AHI1: variants seen among roughly 807,000 people sequenced by gnomAD.
AHI1 encodes Abelson helper integration site 1, also known as jouberin.
In AHI1, 123 loss-of-function variants were observed where a neutral mutation model predicts 149.3. That is an observed-to-expected ratio of 0.82 (90% CI 0.71 to 0.96). The LOEUF (loss-of-function observed/expected upper bound fraction) is 0.96. Among genes scored for constraint, AHI1 ranks in the 40% least tolerant of loss-of-function variants. The pLI, the probability that AHI1 is intolerant of heterozygous loss-of-function variation, is 0.00. For synonymous variants in AHI1, 475 were observed against 459.8 expected, an observed-to-expected ratio of 1.03 and a Z score of -0.42; for missense variants, 1,439 against 1,422.7, an observed-to-expected ratio of 1.01 and a Z score of -0.18.
At chr6:135,380,731 A>AC (rs752362853) in intron 23 of AHI1, among the ~76,000 whole-genome samples, 3,262 of 55,866 alleles carry the variant, frequency 0.058, 180 homozygotes, top group Non-Finnish European at 0.085. Context: ...AAGTAAAATA[A>AC]CCCCCCCCCC....
At chr6:135,364,827 G>T (rs1051874269) in intron 23 of AHI1, among the ~76,000 whole-genome samples, 1 of 152,230 alleles carries the variant, frequency 6.6e-6, no homozygotes, top group Admixed American at 6.5e-5. Context: ...GTTGCAGTAG[G>T]CCGAGATGGC....
rs984975595 is a variant in AHI1, at chr6:135,438,612, C to T, written c.1913-114G>A. 11 of 811,992 alleles carry T rather than the reference C, an allele frequency of 1.4e-5. No individual in the cohort carries two copies. The Admixed American group carries it at 2.5e-4, about 18-fold the overall frequency. The allele number at this position is 811,992 out of a possible 1,614,324, so 50.3% of individuals were successfully genotyped here. Reference sequence around the variant, plus strand: ...TAAGCAGTCTATAACAAAATTATAACCAAAGACATTTGCAGCACAGAGAAA... The same window carrying T: ...TAAGCAGTCTATAACAAAATTATAATCAAAGACATTTGCAGCACAGAGAAA... On this transcript the variant is annotated intron_variant, in intron 14 of 28. Coordinates refer to ENST00000265602, the MANE Select transcript of AHI1 (RefSeq NM_001134831.2).
At chr6:135,456,415 A>G (rs932676794) in intron 9 of AHI1, among the ~76,000 whole-genome samples, 2 of 152,002 alleles carry the variant, frequency 1.3e-5, no homozygotes, top group Admixed American at 6.6e-5. Flanking sequence ...ATGGTGGCAC[A>G]TGTCTGCAGT....
intron 13 of AHI1, among the ~76,000 whole-genome samples, chr6:135,445,666 G>A (rs1787063070): frequency 6.6e-6 from 1 of 152,084 alleles, no homozygotes; most frequent in Admixed American, 6.5e-5. Flanking sequence ...TTGAATTCCT[G>A]GGTTCAATCA....
At chr6:135,451,005 C>T (rs909008382) in intron 11 of AHI1, among the ~76,000 whole-genome samples, 53 of 150,550 alleles carry the variant, frequency 3.5e-4, no homozygotes, top group Non-Finnish European at 2.1e-4. Flanking sequence ...TGCCACTTCC[C>T]TTTTTTTTTG....
At chr6:135,358,045 A>C (rs1232136645) in intron 24 of AHI1, 87 bp downstream of exon 24, 2 of 1,218,516 alleles carry the variant, frequency 1.6e-6, no homozygotes, top group Non-Finnish European at 2.3e-6. Context: ...AGGTTTTAAG[A>C]GTTTTCTACA....
At chr6:135,320,187 G>T (rs1012309383) in intron 25 of AHI1, among the ~76,000 whole-genome samples, 1 of 152,098 alleles carries the variant, frequency 6.6e-6, no homozygotes, top group African/African-American at 2.4e-5. Context: ...AATGAAGTGT[G>T]AGAGTTCAAT....
At chr6:135,492,730 C>A in intron 3 of AHI1, 1 of 985,244 alleles carries the variant, frequency 1.0e-6, no homozygotes, top group Non-Finnish European at 1.2e-6. Context: ...ATTTAAATAC[C>A]TCTGTGTCTG....
In AHI1 at chr6:135,428,722, G is replaced by C. The variant is rs773787232; in HGVS notation, c.2530C>G (p.Arg844Gly). 14 of 1,605,912 alleles carry C rather than the reference G, an allele frequency of 8.7e-6. No individual in the cohort carries two copies. Among genetic ancestry groups the C allele is most frequent in the Non-Finnish European group, 1.2e-5 (14 of 1,175,482 alleles). The change falls in exon 19 of 29, where the codon CGG becomes GGG. Residue 844 changes from arginine (R) to glycine (G), a missense_variant. Coordinates refer to ENST00000265602, the MANE Select transcript of AHI1 (RefSeq NM_001134831.2). Reference sequence around the variant, plus strand: ...GTCAAAGTACTATGAATCTTCTCCCGATAATTTGCTGCTCCTACAAACTTC... The same window carrying C: ...GTCAAAGTACTATGAATCTTCTCCCCATAATTTGCTGCTCCTACAAACTTC... Reference protein sequence around the residue: ...ARKFVGAANYREKIHSTLTPC... With the variant: ...ARKFVGAANYGEKIHSTLTPC...
chr6:135,490,882 T>C, intron 4 of AHI1, 135 bp from the exon 5 acceptor site: 4 of 1,082,286 alleles, frequency 3.7e-6, no homozygotes, highest in Non-Finnish European at 5.2e-6. Context: ...AACTCACCTA[T>C]CTTTCCTTCT....
intron 23 of AHI1, among the ~76,000 whole-genome samples, chr6:135,363,087 T>A (rs1794172319): frequency 6.6e-6 from 1 of 151,398 alleles, no homozygotes; most frequent in African/African-American, 2.4e-5. Context: ...TCTTGGGTGT[T>A]TCTCGCAGAG....
At chr6:135,365,773 C>T (rs994859634) in intron 23 of AHI1, among the ~76,000 whole-genome samples, 6 of 152,156 alleles carry the variant, frequency 3.9e-5, no homozygotes, top group African/African-American at 1.4e-4. Context: ...GACAGTTTGA[C>T]TTCTTTACTG....
At chr6:135,441,319 G>C (rs1330538250) in intron 14 of AHI1, among the ~76,000 whole-genome samples, 2 of 152,002 alleles carry the variant, frequency 1.3e-5, no homozygotes, top group Non-Finnish European at 2.9e-5. Flanking sequence ...AAATAGAAAA[G>C]TTTCAGAGAC....
chr6:135,330,893 AGTG>A (rs1788486056), intron 24 of AHI1, among the ~76,000 whole-genome samples: 1 of 152,202 alleles, frequency 6.6e-6, no homozygotes, highest in African/African-American at 2.4e-5. Context: ...TTAATTTGGC[AGTG>A]GATTGTGAGT....
intron 5 of AHI1, among the ~76,000 whole-genome samples, chr6:135,479,789 AC>A (rs1443605918): frequency 1.3e-5 from 2 of 152,158 alleles, no homozygotes; most frequent in African/African-American, 4.8e-5. Flanking sequence ...CTGTGTATCC[AC>A]CCAAATCTCA....
chr6:135,295,327 C>T (rs922861522), intron 27 of AHI1, among the ~76,000 whole-genome samples: 5 of 152,224 alleles, frequency 3.3e-5, no homozygotes, highest in East Asian at 1.9e-4. Context: ...AAGGTAAAAC[C>T]GTATGGAAAA....
chr6:135,330,752 A>G (rs550788827), intron 24 of AHI1, among the ~76,000 whole-genome samples: 1 of 152,234 alleles, frequency 6.6e-6, no homozygotes, highest in Non-Finnish European at 1.5e-5. Context: ...CTGAAGGACA[A>G]AAACAGCGTG....
chr6:135,445,980 C>T (rs1057294478), intron 13 of AHI1, among the ~76,000 whole-genome samples: 4 of 151,682 alleles, frequency 2.6e-5, no homozygotes, highest in African/African-American at 4.8e-5. Flanking sequence ...GGCATGAACC[C>T]GGGAGGTGGA....
At chr6:135,291,445 A>G (rs371212252) in intron 27 of AHI1, among the ~76,000 whole-genome samples, 8 of 152,172 alleles carry the variant, frequency 5.3e-5, no homozygotes, top group African/African-American at 1.4e-4. Context: ...AGATGGAAAG[A>G]TGAAACCAGA....
Sources: gnomAD v4.1 joint callset for allele counts (sites outside exome capture counted in the v4.1 genomes callset) on GRCh38, gnomAD v4.1.1 for gene constraint, MANE v1.5 for transcripts, NCBI Gene and HGNC (gene_info 2026-07-23, HGNC 2026-07-21) for gene names.